The following PMFBP1 variants were observed in gnomAD, a reference collection of about 807,000 sequenced individuals.
PMFBP1 encodes the protein polyamine modulated factor 1 binding protein 1.
A neutral mutation model predicts 137.8 loss-of-function variants in PMFBP1; 131 were observed. The observed-to-expected ratio is 0.95, with a 90% CI of 0.82 to 1.10. The LOEUF (loss-of-function observed/expected upper bound fraction) is 1.10. Ranked by LOEUF, PMFBP1 falls within the 50% of genes least tolerant of loss-of-function variation. The pLI, the probability that PMFBP1 is intolerant of heterozygous loss-of-function variation, is 0.00. For synonymous variants in PMFBP1, 490 were observed against 450.4 expected, an observed-to-expected ratio of 1.09 and a Z score of -1.11; for missense variants, 1,199 against 1,175.4, an observed-to-expected ratio of 1.02 and a Z score of -0.29.
upstream of PMFBP1, among the ~76,000 whole-genome samples, chr16:72,175,219 C>T (rs1427911793): frequency 6.6e-6 from 1 of 152,260 alleles, no homozygotes; most frequent in Non-Finnish European, 1.5e-5. Context: ...TCTGCCCCAT[C>T]TCATAGATCT....
chr16:72,138,955 A>G (rs1311861803), intron 7 of PMFBP1, among the ~76,000 whole-genome samples: 1 of 152,072 alleles, frequency 6.6e-6, no homozygotes, highest in Non-Finnish European at 1.5e-5. Context: ...TGGATTAATA[A>G]TCTTTCCTAA....
At chr16:72,185,322 C>T in the PMFBP1 span, among the ~76,000 whole-genome samples, 1 of 152,076 alleles carries the variant, frequency 6.6e-6, no homozygotes, top group Non-Finnish European at 1.5e-5. Flanking sequence ...CCGTGCACAG[C>T]CTTGTGTCCT....
upstream of PMFBP1, among the ~76,000 whole-genome samples, chr16:72,175,934 T>C (rs990542791): frequency 1.3e-5 from 2 of 152,200 alleles, no homozygotes. Flanking sequence ...TTGGAGCCAA[T>C]GTGCAGAGGC....
chr16:72,141,021 G>A (rs191039330), intron 5 of PMFBP1, among the ~76,000 whole-genome samples: 1 of 125,276 alleles, frequency 8.0e-6, no homozygotes, highest in East Asian at 2.6e-4. Flanking sequence ...TGCAACCTCC[G>A]CCTTCCAGGT....
chr16:72,149,321 G>A (rs7198572), intron 5 of PMFBP1, among the ~76,000 whole-genome samples: 43,198 of 152,074 alleles, frequency 0.28, 6,431 homozygotes, highest in South Asian at 0.39. Context: ...GTGTAAACTG[G>A]TAGAACCTTT....
chr16:72,146,553 G>A (rs2042809517), intron 5 of PMFBP1, among the ~76,000 whole-genome samples: 1 of 152,120 alleles, frequency 6.6e-6, no homozygotes, highest in Non-Finnish European at 1.5e-5. Context: ...GAAATAAAGG[G>A]TATACAATTA....
In PMFBP1 at chr16:72,129,060, A is replaced by G. The variant is rs1597462287; in HGVS notation, c.1950+6T>C. 1 of 1,612,956 alleles carries G rather than the reference A, an allele frequency of 6.2e-7. No homozygotes were observed. The highest frequency in any genetic ancestry group is 1.3e-5 in the African/African-American group (1 of 74,866). On this transcript the variant is annotated splice_donor_region_variant and intron_variant, in intron 13 of 20. Coordinates refer to ENST00000237353, the MANE Select transcript of PMFBP1 (RefSeq NM_031293.3). Reference sequence around the variant, plus strand: ...GACCCAGCTCTCCTGGGATTCTCCCACTCACCGTCTTGTCTTTCTTTTTAA... The same window carrying G: ...GACCCAGCTCTCCTGGGATTCTCCCGCTCACCGTCTTGTCTTTCTTTTTAA...
chr16:72,152,844 CAAAAAAAAAAA>C (rs34108768), intron 4 of PMFBP1, among the ~76,000 whole-genome samples: 1 of 65,054 alleles, frequency 1.5e-5, no homozygotes, highest in African/African-American at 6.1e-5. Context: ...GACTTCGTCT[CAAAAAAAAAAA>C]AAAAAAAAAA....
At chr16:72,234,481 G>A in the PMFBP1 span, among the ~76,000 whole-genome samples, 5 of 152,150 alleles carry the variant, frequency 3.3e-5, no homozygotes, top group Non-Finnish European at 5.9e-5. Context: ...AATGAGACAT[G>A]TGATGTACAC....
At chr16:72,215,703 T>C in the PMFBP1 span, among the ~76,000 whole-genome samples, 1 of 152,158 alleles carries the variant, frequency 6.6e-6, no homozygotes, top group Non-Finnish European at 1.5e-5. Context: ...TGTTGGCTAA[T>C]TAAGTAAGTA....
intron 20 of PMFBP1, 165 bp downstream of exon 20, chr16:72,119,686 G>A: frequency 6.9e-7 from 1 of 1,458,232 alleles, no homozygotes; most frequent in African/African-American, 1.4e-5. Context: ...GTCTTAATTT[G>A]CCTCCTCCCT....
At chr16:72,218,740 T>A in the PMFBP1 span, among the ~76,000 whole-genome samples, 1 of 152,220 alleles carries the variant, frequency 6.6e-6, no homozygotes, top group Admixed American at 6.5e-5. Flanking sequence ...CTTATCCCTA[T>A]GCTCACTCGC....
chr16:72,191,602 A>G, the PMFBP1 span, among the ~76,000 whole-genome samples: 1 of 152,358 alleles, frequency 6.6e-6, no homozygotes, highest in African/African-American at 2.4e-5. Flanking sequence ...CTATTTTTAG[A>G]AAAGTACAGA....
At chr16:72,185,034 T>G in the PMFBP1 span, among the ~76,000 whole-genome samples, 2 of 152,034 alleles carry the variant, frequency 1.3e-5, no homozygotes, top group African/African-American at 4.8e-5. Flanking sequence ...TTTCTTTTTT[T>G]TTTTTTTGAG....
the PMFBP1 span, among the ~76,000 whole-genome samples, chr16:72,237,503 T>C: frequency 6.6e-6 from 1 of 152,170 alleles, no homozygotes; most frequent in Non-Finnish European, 1.5e-5. Context: ...AGATGAAGTG[T>C]TCTAATCCAC....
chr16:72,135,599 C>A (rs1362100962), intron 9 of PMFBP1, among the ~76,000 whole-genome samples: 2 of 151,872 alleles, frequency 1.3e-5, no homozygotes, highest in African/African-American at 4.8e-5. Flanking sequence ...TTGGTTTCAC[C>A]ACCTTTCTGT....
At chr16:72,183,261 C>T in the PMFBP1 span, among the ~76,000 whole-genome samples, 130 of 152,350 alleles carry the variant, frequency 8.5e-4, 1 homozygote, top group African/African-American at 3.0e-3. Flanking sequence ...CAGGAAGTCT[C>T]ATATGCAGGC....
intron 19 of PMFBP1, among the ~76,000 whole-genome samples, chr16:72,122,023 T>C (rs1161392218): frequency 2.6e-5 from 4 of 152,174 alleles, no homozygotes; most frequent in South Asian, 2.1e-4. Flanking sequence ...CCAATAGTTA[T>C]CTTGTTTGCT....
At chr16:72,127,975 C>G (rs1287227606) in intron 14 of PMFBP1, among the ~76,000 whole-genome samples, 1 of 152,166 alleles carries the variant, frequency 6.6e-6, no homozygotes, top group Non-Finnish European at 1.5e-5. Context: ...TTCTCTTGCC[C>G]AGAAAGATGG....
Sources: gnomAD v4.1 joint callset for allele counts (sites outside exome capture counted in the v4.1 genomes callset) on GRCh38, gnomAD v4.1.1 for gene constraint, MANE v1.5 for transcripts, NCBI Gene and HGNC (gene_info 2026-07-23, HGNC 2026-07-21) for gene names.